FBXL17: variants seen among roughly 807,000 people sequenced by gnomAD.
FBXL17 encodes the protein F-box and leucine rich repeat protein 17, also known as F-box/LRR-repeat protein 17.
Under a neutral mutation model 66.2 loss-of-function variants are expected in FBXL17, and 22 were observed. The ratio of observed to expected loss-of-function variants is 0.33; its 90% CI spans 0.24 to 0.47. FBXL17 has a LOEUF of 0.47. FBXL17 is among the 20% of genes least tolerant of loss of function. The pLI, the probability that FBXL17 is intolerant of heterozygous loss-of-function variation, is 1.00. For missense variants in FBXL17, 878 were observed against 948.2 expected (o/e 0.93, Z 0.97); for synonymous variants, 474 against 400.5 (o/e 1.18, Z -2.19).
At position 108,009,278 on chromosome 5, in the gene FBXL17, T is replaced by TAGATAGATAGATAGATAGATAGATAG. The variant is rs1561365252; in HGVS notation, c.1822+11646_1822+11647insCTATCTATCTATCTATCTATCTATCT. ...TCCCTGTTTTATATATATATATATA[T>TAGATAGATAGATAGATAGATAGATAG]ATATATATATATATATATATATACA... On this transcript the variant is annotated intron_variant, in intron 7 of 8. Coordinates refer to ENST00000542267, the MANE Select transcript of FBXL17 (RefSeq NM_001163315.3). Among the ~76,000 whole-genome samples, 18 of 50,568 alleles carry TAGATAGATAGATAGATAGATAGATAG rather than the reference T, an allele frequency of 3.6e-4. 1 individual carries two copies. The highest frequency in any genetic ancestry group is 1.0e-3 in the South Asian group (2 of 1,964). The allele number at this position is 50,568 out of a possible 152,430, so 33.2% of individuals were successfully genotyped here.
chr5:108,135,754 G>C (rs1751108777), intron 6 of FBXL17, among the ~76,000 whole-genome samples: 2 of 152,136 alleles, frequency 1.3e-5, no homozygotes. Context: ...TTCAGAAGCA[G>C]AAGGATAAGA....
intron 6 of FBXL17, among the ~76,000 whole-genome samples, chr5:108,055,300 AAAAAAAAAAAAAAG>A (rs1278505617): frequency 0.017 from 568 of 33,988 alleles, 18 homozygotes; most frequent in African/African-American, 0.077. Context: ...AAAAAAAAAA[AAAAAAAAAAAAAAG>A]AAAAACGCTT....
chr5:108,208,104 C>A (rs1754205942), intron 5 of FBXL17, among the ~76,000 whole-genome samples: 1 of 152,180 alleles, frequency 6.6e-6, no homozygotes, highest in African/African-American at 2.4e-5. Context: ...CTGTTGACTG[C>A]ATAAATGTCT....
chr5:108,018,459 G>T (rs932493853), intron 7 of FBXL17, among the ~76,000 whole-genome samples: 2 of 152,044 alleles, frequency 1.3e-5, no homozygotes, highest in African/African-American at 4.8e-5. Context: ...TATAGCATTG[G>T]CATTGTAGTG....
intron 8 of FBXL17, among the ~76,000 whole-genome samples, chr5:107,874,464 A>G (rs1748554388): frequency 6.6e-6 from 1 of 152,232 alleles, no homozygotes; most frequent in South Asian, 2.1e-4. Context: ...TAACAACCCT[A>G]TGAGATAAAT....
chr5:108,260,930 T>A (rs1756793213), intron 4 of FBXL17, among the ~76,000 whole-genome samples: 1 of 152,214 alleles, frequency 6.6e-6, no homozygotes, highest in Non-Finnish European at 1.5e-5. Context: ...AGGTTGTATG[T>A]GCTGAAGCAG....
intron 4 of FBXL17, among the ~76,000 whole-genome samples, chr5:108,246,849 A>G (rs867244542): frequency 2.0e-5 from 3 of 152,254 alleles, no homozygotes; most frequent in African/African-American, 7.2e-5. Flanking sequence ...AAAATCATCA[A>G]GAAAAGCATA....
chr5:108,368,688 TAAAGA>T (rs777905689), intron 1 of FBXL17, among the ~76,000 whole-genome samples: 1 of 152,108 alleles, frequency 6.6e-6, no homozygotes, highest in Non-Finnish European at 1.5e-5. Flanking sequence ...TGAAACCACA[TAAAGA>T]CTGGAGTTTA....
intron 1 of FBXL17, among the ~76,000 whole-genome samples, chr5:108,379,318 A>G (rs918655214): frequency 6.6e-6 from 1 of 152,208 alleles, no homozygotes; most frequent in South Asian, 2.1e-4. Context: ...TTATTTATCC[A>G]TATCACCCAG....
At chr5:108,248,674 G>A (rs12654140) in intron 4 of FBXL17, among the ~76,000 whole-genome samples, 2 of 151,882 alleles carry the variant, frequency 1.3e-5, no homozygotes, top group Non-Finnish European at 2.9e-5. Context: ...TCCTAAAAAC[G>A]AAAGGCGAAA....
At chr5:107,926,113 A>G (rs1352512963) in intron 7 of FBXL17, among the ~76,000 whole-genome samples, 1 of 152,178 alleles carries the variant, frequency 6.6e-6, no homozygotes, top group East Asian at 1.9e-4. Context: ...TATTTAGTTC[A>G]TTGCTAAGCC....
At chr5:108,129,649 A>T (rs1750852841) in intron 6 of FBXL17, among the ~76,000 whole-genome samples, 1 of 152,044 alleles carries the variant, frequency 6.6e-6, no homozygotes, top group African/African-American at 2.4e-5. Flanking sequence ...TTACTGAGTA[A>T]AAATATGTCA....
chr5:108,361,243 C>G (rs558746555), intron 3 of FBXL17, among the ~76,000 whole-genome samples: 1 of 152,132 alleles, frequency 6.6e-6, no homozygotes, highest in South Asian at 2.1e-4. Flanking sequence ...CACTTCCCTA[C>G]GCTTCACTAT....
chr5:108,131,876 A>G (rs1750946926), intron 6 of FBXL17, among the ~76,000 whole-genome samples: 1 of 152,194 alleles, frequency 6.6e-6, no homozygotes, highest in South Asian at 2.1e-4. Context: ...AGTAATTGAC[A>G]CATAAATTTG....
chr5:108,008,510 T>C (rs1754023121), intron 7 of FBXL17, among the ~76,000 whole-genome samples: 1 of 152,174 alleles, frequency 6.6e-6, no homozygotes, highest in Non-Finnish European at 1.5e-5. Flanking sequence ...TTAAGTTCCT[T>C]ATTGCTGTTC....
At chr5:108,217,131 T>TAA (rs1754638433) in intron 5 of FBXL17, among the ~76,000 whole-genome samples, 1 of 152,046 alleles carries the variant, frequency 6.6e-6, no homozygotes. Flanking sequence ...GCCCACAGAC[T>TAA]AAGCACATTC....
chr5:108,031,996 C>T (rs1746661419), intron 6 of FBXL17, among the ~76,000 whole-genome samples: 1 of 152,132 alleles, frequency 6.6e-6, no homozygotes, highest in East Asian at 1.9e-4. Context: ...CACTTTTAGT[C>T]ATTTAACAAA....
intron 7 of FBXL17, among the ~76,000 whole-genome samples, chr5:107,974,588 C>T (rs918756732): frequency 6.6e-6 from 1 of 152,102 alleles, no homozygotes; most frequent in African/African-American, 2.4e-5. Flanking sequence ...AACAGCAATG[C>T]TCTTAAGGAA....
chr5:108,296,674 C>T (rs574600602), intron 4 of FBXL17, among the ~76,000 whole-genome samples: 1 of 151,662 alleles, frequency 6.6e-6, no homozygotes, highest in African/African-American at 2.4e-5. Flanking sequence ...TTAATATCTT[C>T]GAAACCATGA....
Sources: allele counts gnomAD v4.1 joint callset (sites outside exome capture counted in the v4.1 genomes callset), GRCh38; gene constraint gnomAD v4.1.1; transcripts MANE v1.5; gene names NCBI Gene and HGNC (gene_info 2026-07-23, HGNC 2026-07-21).